Variants in JAM3 observed in about 807,000 individuals in gnomAD.
The protein encoded by JAM3 is junctional adhesion molecule 3.
Under a neutral mutation model 39.4 loss-of-function variants are expected in JAM3, and 31 were observed. The observed-to-expected ratio is 0.79, with a 90% CI of 0.59 to 1.06. The LOEUF is 1.06. Ranked by LOEUF, JAM3 falls within the 50% of genes least tolerant of loss-of-function variation. The pLI, the probability that JAM3 is intolerant of heterozygous loss-of-function variation, is 0.00. For missense variants in JAM3, 455 were observed against 391.4 expected, an observed-to-expected ratio of 1.16 and a Z score of -1.37; for synonymous variants, 182 against 148.7, an observed-to-expected ratio of 1.22 and a Z score of -1.63.
At chr11:134,121,795 C>G (rs575717956) in intron 1 of JAM3, among the ~76,000 whole-genome samples, 1 of 151,170 alleles carries the variant, frequency 6.6e-6, no homozygotes, top group South Asian at 2.1e-4. Flanking sequence ...GGCACTGATA[C>G]TGATGGACAC....
intron 1 of JAM3, among the ~76,000 whole-genome samples, chr11:134,121,286 G>C (rs916588081): frequency 6.6e-6 from 1 of 152,222 alleles, no homozygotes; most frequent in African/African-American, 2.4e-5. Flanking sequence ...ACTGAAATAA[G>C]AAACTGCAGT....
chr11:134,115,945 G>A (rs1413580575), intron 1 of JAM3, among the ~76,000 whole-genome samples: 1 of 152,090 alleles, frequency 6.6e-6, no homozygotes, highest in African/African-American at 2.4e-5. Flanking sequence ...CCATAAAAGT[G>A]CAGTGCCCTT....
chr11:134,149,324 C>A lies in JAM3; in HGVS notation c.*143C>A. ...TTTTCGTTTTGGCCAAAGTTGACCACTACTCTTCTTACTCTAACAAGCCAC... is the reference window on the plus strand; with the variant it reads ...TTTTCGTTTTGGCCAAAGTTGACCAATACTCTTCTTACTCTAACAAGCCAC... On this transcript the variant is annotated 3_prime_UTR_variant, in exon 9 of 9. Coordinates refer to ENST00000299106, the MANE Select transcript of JAM3 (RefSeq NM_032801.5). 1.1e-6 allele frequency: 1 copy of A among 880,884 alleles called. No homozygotes were observed. The highest frequency in any genetic ancestry group is 1.4e-5 in the South Asian group (1 of 69,952). The allele number at this position is 880,884 out of a possible 1,614,324, so 54.6% of individuals were successfully genotyped here.
chr11:134,081,448 C>G (rs1005723915), intron 1 of JAM3, among the ~76,000 whole-genome samples: 1 of 152,190 alleles, frequency 6.6e-6, no homozygotes, highest in Non-Finnish European at 1.5e-5. Context: ...GGTGCCCTGC[C>G]TTCCAGCCAC....
intron 1 of JAM3, among the ~76,000 whole-genome samples, chr11:134,093,453 G>A (rs542098889): frequency 4.8e-4 from 46 of 95,614 alleles, no homozygotes; most frequent in African/African-American, 1.1e-3. Context: ...CTCCTTATTC[G>A]TCATGTTCCA....
At chr11:134,083,144 A>G (rs1201031277) in intron 1 of JAM3, among the ~76,000 whole-genome samples, 3 of 151,224 alleles carry the variant, frequency 2.0e-5, no homozygotes, top group Non-Finnish European at 4.4e-5. Flanking sequence ...AGAGATGCTT[A>G]CTTCTGTGAT....
chr11:134,123,829 G>T, intron 1 of JAM3: 1 of 778,544 alleles, frequency 1.3e-6, no homozygotes, highest in Non-Finnish European at 2.4e-6. Context: ...TCTTTCTACT[G>T]AACACAGCAG....
intron 1 of JAM3, among the ~76,000 whole-genome samples, chr11:134,130,703 A>G (rs1942753891): frequency 6.6e-6 from 1 of 152,228 alleles, no homozygotes; most frequent in East Asian, 1.9e-4. Flanking sequence ...TCTCCCTGGC[A>G]TAGTAGCTGA....
At chr11:134,116,335 C>T (rs1046967074) in intron 1 of JAM3, among the ~76,000 whole-genome samples, 1 of 152,104 alleles carries the variant, frequency 6.6e-6, no homozygotes, top group Non-Finnish European at 1.5e-5. Context: ...TCCTATTTCC[C>T]TTATTCTTTC....
At position 134,144,777 on chromosome 11, in the gene JAM3, C is replaced by A; in HGVS notation, c.410-15C>A. The A allele has an allele frequency of 6.7e-7, 1 of 1,484,490 alleles. No individual in the cohort carries two copies. The highest frequency in any genetic ancestry group is 9.1e-7 in the Non-Finnish European group (1 of 1,099,558). The allele number at this position is 1,484,490 out of a possible 1,614,324, so 92.0% of individuals were successfully genotyped here. On this transcript the variant is annotated splice_polypyrimidine_tract_variant and intron_variant, in intron 4 of 8. Coordinates refer to ENST00000299106, the MANE Select transcript of JAM3 (RefSeq NM_032801.5). ...TGTCACTGAGATCTTAAACACCACC[C>A]CTTTTTCCCCACAGTGAAGCCAGTG...
chr11:134,071,066 T>C lies in JAM3; in HGVS notation c.76+1907T>C, dbSNP rs567553313. Among the ~76,000 whole-genome samples, 31 of 152,358 alleles carry C rather than the reference T, an allele frequency of 2.0e-4. No homozygotes were observed. The South Asian group carries it at 6.4e-3, about 32-fold the overall frequency. On this transcript the variant is annotated intron_variant, in intron 1 of 8. Coordinates refer to ENST00000299106, the MANE Select transcript of JAM3 (RefSeq NM_032801.5). ...AAACTGTTCTTCCAGAAGTCATGAC[T>C]ACTGTGTCCTTTTTATTTTTTATGA...
chr11:134,116,305 A>G (rs375669254), intron 1 of JAM3, among the ~76,000 whole-genome samples: 1 of 152,186 alleles, frequency 6.6e-6, no homozygotes, highest in Non-Finnish European at 1.5e-5. Context: ...AGTTATTACT[A>G]TGGTGTTCTA....
At chr11:134,117,219 T>A (rs531063071) in intron 1 of JAM3, among the ~76,000 whole-genome samples, 1 of 151,578 alleles carries the variant, frequency 6.6e-6, no homozygotes, top group Non-Finnish European at 1.5e-5. Flanking sequence ...AAAAATAAAA[T>A]AAAATAAAAT....
intron 1 of JAM3, among the ~76,000 whole-genome samples, chr11:134,072,147 T>G (rs973538240): frequency 8.5e-5 from 13 of 152,198 alleles, no homozygotes; most frequent in African/African-American, 3.1e-4. Flanking sequence ...GCTATGGATT[T>G]AGTACATTCG....
At chr11:134,097,306 A>G (rs1942001327) in intron 1 of JAM3, among the ~76,000 whole-genome samples, 3 of 152,172 alleles carry the variant, frequency 2.0e-5, no homozygotes, top group Non-Finnish European at 4.4e-5. Context: ...TTTTGGAAAC[A>G]GTGTTTAGTG....
intron 1 of JAM3, among the ~76,000 whole-genome samples, chr11:134,128,888 T>A (rs1427757504): frequency 6.6e-6 from 1 of 152,204 alleles, no homozygotes; most frequent in Non-Finnish European, 1.5e-5. Flanking sequence ...TTCATTTCCA[T>A]TCCCCTCTGT....
At chr11:134,085,344 T>A (rs1380681183) in intron 1 of JAM3, among the ~76,000 whole-genome samples, 1 of 152,162 alleles carries the variant, frequency 6.6e-6, no homozygotes, top group Non-Finnish European at 1.5e-5. Context: ...TAAAGGGAAG[T>A]CTTAACTATT....
intron 1 of JAM3, among the ~76,000 whole-genome samples, chr11:134,079,520 A>G (rs1941629616): frequency 6.6e-6 from 1 of 151,778 alleles, no homozygotes; most frequent in South Asian, 2.1e-4. Context: ...AGCCTTTCAG[A>G]TAGTTTTCTG....
In JAM3 at chr11:134,140,771, G is replaced by T. The variant is rs1942959716; in HGVS notation, c.256+1G>T. ...GTGTTTTTTGACAACAAAATTCAGG[G>T]TATGATCCTGTAGTCCTCTTGCCTG... On this transcript the variant is annotated splice_donor_variant, in intron 3 of 8. Coordinates refer to ENST00000299106, the MANE Select transcript of JAM3 (RefSeq NM_032801.5). LOFTEE classifies it high-confidence loss of function. 1.2e-6 allele frequency: 2 copies of T among 1,611,794 alleles called. No homozygotes were observed. Among genetic ancestry groups the T allele is most frequent in the Admixed American group, 1.7e-5 (1 of 59,898 alleles).
Sources: allele counts gnomAD v4.1 joint callset (sites outside exome capture counted in the v4.1 genomes callset), GRCh38; gene constraint gnomAD v4.1.1; transcripts MANE v1.5; gene names NCBI Gene and HGNC (gene_info 2026-07-23, HGNC 2026-07-21).